Variants in ATG10 observed in about 807,000 individuals in gnomAD.
ATG10 encodes the protein ubiquitin-like-conjugating enzyme ATG10.
In ATG10, 30 loss-of-function variants were observed where a neutral mutation model predicts 32.1. The ratio of observed to expected loss-of-function variants is 0.94; its 90% CI spans 0.70 to 1.27. The LOEUF is 1.27. Among genes scored for constraint, ATG10 ranks in the 50% most tolerant of loss-of-function variants. ATG10 has a pLI of 0.00. For missense variants in ATG10, 233 were observed against 262.3 expected (o/e 0.89, Z 0.77); for synonymous variants, 87 against 91.5 (o/e 0.95, Z 0.28).
chr5:82,151,372 G>A (rs556793544), intron 3 of ATG10, among the ~76,000 whole-genome samples: 1 of 152,204 alleles, frequency 6.6e-6, no homozygotes, highest in African/African-American at 2.4e-5. Context: ...TTTAAATGTG[G>A]ATTGATGCTG....
chr5:81,982,018 G>C (rs111467391), intron 1 of ATG10, among the ~76,000 whole-genome samples: 71 of 152,190 alleles, frequency 4.7e-4, no homozygotes, highest in African/African-American at 1.5e-3. Context: ...CCCTCACTTG[G>C]AAAAACAGAA....
At chr5:82,050,211 A>G (rs1012849693) in intron 2 of ATG10, among the ~76,000 whole-genome samples, 1 of 151,996 alleles carries the variant, frequency 6.6e-6, no homozygotes. Context: ...GTAGTATTCC[A>G]TTGTATGGAT....
At chr5:82,069,659 A>G (rs1160833186) in intron 3 of ATG10, among the ~76,000 whole-genome samples, 2 of 152,126 alleles carry the variant, frequency 1.3e-5, no homozygotes, top group Admixed American at 1.3e-4. Flanking sequence ...ACTATCTAGA[A>G]TTTCTTCTCT....
At chr5:82,061,476 A>G (rs1447260214) in intron 3 of ATG10, among the ~76,000 whole-genome samples, 1 of 151,844 alleles carries the variant, frequency 6.6e-6, no homozygotes, top group South Asian at 2.1e-4. Flanking sequence ...TTTAAAAGCC[A>G]GATTGCTTCC....
At chr5:82,147,250 C>T (rs961346639) in intron 3 of ATG10, 12 of 234,306 alleles carry the variant, frequency 5.1e-5, no homozygotes, top group African/African-American at 2.6e-4. Context: ...CTCACTGCAA[C>T]CTCCGCCTTC....
intron 2 of ATG10, among the ~76,000 whole-genome samples, chr5:82,043,760 A>G (rs1763155710): frequency 1.3e-5 from 2 of 152,194 alleles, no homozygotes; most frequent in African/African-American, 4.8e-5. Flanking sequence ...TTGCTAAAGC[A>G]TAGCAAGAGT....
At chr5:81,987,482 C>T (rs1254488509) in intron 1 of ATG10, 77 bp from the exon 2 acceptor site, 2 of 1,152,074 alleles carry the variant, frequency 1.7e-6, no homozygotes, top group African/African-American at 3.2e-5. Flanking sequence ...GGTTTATTGA[C>T]AGAAATAAAT....
At chr5:82,095,105 A>T (rs1415088272) in intron 3 of ATG10, among the ~76,000 whole-genome samples, 1 of 152,280 alleles carries the variant, frequency 6.6e-6, no homozygotes, top group South Asian at 2.1e-4. Context: ...CTACATTTTT[A>T]AAATGAAGAT....
rs1385931031 is a variant in ATG10 at position 82,216,431 on chromosome 5, T to C, written c.454-36131T>C. On this transcript the variant is annotated intron_variant, in intron 5 of 7. Coordinates refer to ENST00000282185, the MANE Select transcript of ATG10 (RefSeq NM_031482.5). ...ATATATTATTAACTTACATCCAGAC[T>C]TTGATAGATTCTTTAATGAATGGAT... Among the ~76,000 whole-genome samples the C allele has an allele frequency of 3.3e-5, 5 of 152,332 alleles. No homozygotes were observed. The South Asian group carries it at 1.0e-3, about 32-fold the overall frequency.
At chr5:81,980,456 C>G (rs1418641205) in intron 1 of ATG10, among the ~76,000 whole-genome samples, 2 of 152,162 alleles carry the variant, frequency 1.3e-5, no homozygotes, top group East Asian at 3.8e-4. Context: ...GTCTCTCTCA[C>G]TACACTTGGA....
At chr5:81,993,360 C>CCTTCTTTCTT (rs1761531549) in intron 2 of ATG10, among the ~76,000 whole-genome samples, 3 of 46,772 alleles carry the variant, frequency 6.4e-5, no homozygotes, top group African/African-American at 9.1e-5. Flanking sequence ...TCTTTCTTTC[C>CCTTCTTTCTT]TTCTTTTCTT....
In ATG10 at chr5:82,083,985, C is replaced by T. The variant is rs148414300; in HGVS notation, c.216+25383C>T. Among the ~76,000 whole-genome samples the T allele has an allele frequency of 4.8e-3, 737 of 152,282 alleles. 36 individuals are homozygous for T. In the East Asian group the frequency reaches 0.12, roughly 25 times the overall value. ...AAAGCTGGATGGAGAATGACTATGA[C>T]GCGTTGAGAGAAGAAGGCTTCAGAC... On this transcript the variant is annotated intron_variant, in intron 3 of 7. Transcript: ENST00000282185.
At chr5:82,047,325 C>T (rs957752817) in intron 2 of ATG10, among the ~76,000 whole-genome samples, 1 of 151,858 alleles carries the variant, frequency 6.6e-6, no homozygotes, top group African/African-American at 2.4e-5. Context: ...AACCCGACAA[C>T]AAACTATTAT....
rs1434895154 is a variant in ATG10, at chr5:82,004,722, G to A, written c.108+17044G>A. Among the ~76,000 whole-genome samples the A allele has an allele frequency of 2.0e-5, 3 of 152,146 alleles. No individual in the cohort carries two copies. The South Asian group carries it at 6.2e-4, about 32-fold the overall frequency. On this transcript the variant is annotated intron_variant, in intron 2 of 7. Transcript: ENST00000282185. ...ACGGTGAGTCTGACGACTGCCAGCT[G>A]GTTCAGTGAGATGAGTCCACTCATC...
chr5:82,026,538 T>C (rs1762600067), intron 2 of ATG10, among the ~76,000 whole-genome samples: 1 of 152,228 alleles, frequency 6.6e-6, no homozygotes, highest in Non-Finnish European at 1.5e-5. Flanking sequence ...ATTACCACTT[T>C]CTGATACTAG....
intron 3 of ATG10, among the ~76,000 whole-genome samples, chr5:82,083,175 GA>G (rs1350417861): frequency 6.6e-6 from 1 of 152,204 alleles, no homozygotes; most frequent in African/African-American, 2.4e-5. Context: ...GGCACACCAG[GA>G]GATTATATCC....
intron 5 of ATG10, among the ~76,000 whole-genome samples, chr5:82,221,940 GA>G (rs1745944240): frequency 6.6e-6 from 1 of 152,188 alleles, no homozygotes; most frequent in African/African-American, 2.4e-5. Flanking sequence ...GTCTTTTAGT[GA>G]ATATGTTAAC....
intron 5 of ATG10, among the ~76,000 whole-genome samples, chr5:82,232,853 C>T (rs1746418502): frequency 6.6e-6 from 1 of 152,146 alleles, no homozygotes; most frequent in South Asian, 2.1e-4. Flanking sequence ...GCTTCCTTCT[C>T]TCCCCAGGGC....
chr5:82,150,562 C>T (rs1198811203), intron 3 of ATG10, among the ~76,000 whole-genome samples: 1 of 152,182 alleles, frequency 6.6e-6, no homozygotes, highest in Non-Finnish European at 1.5e-5. Flanking sequence ...GGCTTGGGAA[C>T]AGGGAGACAT....
Sources: allele counts gnomAD v4.1 joint callset (sites outside exome capture counted in the v4.1 genomes callset), GRCh38; gene constraint gnomAD v4.1.1; transcripts MANE v1.5; gene names NCBI Gene and HGNC (gene_info 2026-07-23, HGNC 2026-07-21).